SYT1: variants seen among roughly 807,000 people sequenced by gnomAD.
SYT1 encodes the protein synaptotagmin 1, also known as synaptotagmin-1.
Under a neutral mutation model 44.8 loss-of-function variants are expected in SYT1, and 8 were observed. The ratio of observed to expected loss-of-function variants is 0.18; its 90% CI spans 0.10 to 0.32. The LOEUF is 0.32. SYT1 is among the 10% of genes least tolerant of loss of function. SYT1 has a pLI of 1.00. For synonymous variants in SYT1, 154 were observed against 188.8 expected (o/e 0.82, Z 1.51); for missense variants, 286 against 509.3 (o/e 0.56, Z 4.22).
At chr12:79,082,505 C>T (rs1877102259) in intron 3 of SYT1, among the ~76,000 whole-genome samples, 1 of 152,118 alleles carries the variant, frequency 6.6e-6, no homozygotes, top group African/African-American at 2.4e-5. Context: ...TACAACAGAG[C>T]AGAAGTCAGA....
intron 4 of SYT1, among the ~76,000 whole-genome samples, chr12:79,222,896 T>G: frequency 6.6e-6 from 1 of 152,188 alleles, no homozygotes; most frequent in Non-Finnish European, 1.5e-5. Context: ...TACCCTCTAC[T>G]GCATTTTTTT....
At chr12:79,319,285 A>T (rs1265556322) in intron 8 of SYT1, among the ~76,000 whole-genome samples, 3 of 152,180 alleles carry the variant, frequency 2.0e-5, no homozygotes, top group Admixed American at 2.0e-4. Context: ...TATCTGCTTA[A>T]GTCAAGCACT....
chr12:79,384,795 T>G (rs1420866878), intron 9 of SYT1, among the ~76,000 whole-genome samples: 1 of 152,124 alleles, frequency 6.6e-6, no homozygotes, highest in Non-Finnish European at 1.5e-5. Flanking sequence ...TGAAAAAACG[T>G]CATCACTTAT....
chr12:79,272,619 T>A (rs1369773785), intron 4 of SYT1, among the ~76,000 whole-genome samples: 1 of 152,142 alleles, frequency 6.6e-6, no homozygotes, highest in Non-Finnish European at 1.5e-5. Flanking sequence ...ACTTTGGGAA[T>A]ACACTCCTGG....
At chr12:79,401,359 A>G (rs1242839002) in intron 9 of SYT1, among the ~76,000 whole-genome samples, 2 of 151,994 alleles carry the variant, frequency 1.3e-5, no homozygotes, top group African/African-American at 2.4e-5. Context: ...GTGCCACTGC[A>G]CTCCAGCTGG....
intron 1 of SYT1, among the ~76,000 whole-genome samples, chr12:78,874,371 T>C (rs954889660): frequency 1.3e-5 from 2 of 151,476 alleles, no homozygotes; most frequent in Admixed American, 6.6e-5. Context: ...AGAGATTAAA[T>C]AGTGATAGGC....
At chr12:79,040,660 G>A (rs982797799) in intron 2 of SYT1, among the ~76,000 whole-genome samples, 1 of 152,028 alleles carries the variant, frequency 6.6e-6, no homozygotes, top group African/African-American at 2.4e-5. Context: ...GTCTTTTGTT[G>A]CCATTGCTTT....
At chr12:79,065,421 A>T (rs936539511) in intron 3 of SYT1, among the ~76,000 whole-genome samples, 5 of 152,006 alleles carry the variant, frequency 3.3e-5, no homozygotes, top group Non-Finnish European at 4.4e-5. Context: ...AGGGGAGGAG[A>T]GGGGCACAAA....
At chr12:78,889,521 G>T (rs184063204) in intron 1 of SYT1, among the ~76,000 whole-genome samples, 2 of 151,950 alleles carry the variant, frequency 1.3e-5, no homozygotes, top group Non-Finnish European at 2.9e-5. Context: ...CTGAGACTTT[G>T]TCTGGATTTA....
intron 9 of SYT1, among the ~76,000 whole-genome samples, chr12:79,370,750 G>A (rs558653772): frequency 4.6e-5 from 7 of 151,786 alleles, no homozygotes; most frequent in South Asian, 2.1e-4. Context: ...GCGACAGAGC[G>A]ATATTCCGTC....
At chr12:79,030,897 G>C (rs1447022951) in intron 2 of SYT1, among the ~76,000 whole-genome samples, 1 of 150,922 alleles carries the variant, frequency 6.6e-6, no homozygotes, top group African/African-American at 2.4e-5. Flanking sequence ...ATTTAGATGA[G>C]ATGGGTTGAG....
At chr12:79,445,834 A>G (rs1010491614) in intron 10 of SYT1, among the ~76,000 whole-genome samples, 1 of 148,806 alleles carries the variant, frequency 6.7e-6, no homozygotes, top group African/African-American at 2.5e-5. Flanking sequence ...TCACAGCTTT[A>G]TTCCAAGAAG....
intron 1 of SYT1, among the ~76,000 whole-genome samples, chr12:78,907,809 T>C (rs78197349): frequency 0.027 from 4,161 of 152,108 alleles, 131 homozygotes; most frequent in African/African-American, 0.074. Flanking sequence ...AAAAGCATCA[T>C]CAAAACCACA....
chr12:79,275,646 C>T (rs1230911283), intron 4 of SYT1, among the ~76,000 whole-genome samples: 6 of 152,160 alleles, frequency 3.9e-5, no homozygotes, highest in Admixed American at 6.5e-5. Context: ...CAATGTATTT[C>T]GCTGGGAGCT....
intron 4 of SYT1, among the ~76,000 whole-genome samples, chr12:79,244,763 C>G (rs936677695): frequency 6.6e-6 from 1 of 151,760 alleles, no homozygotes; most frequent in East Asian, 1.9e-4. Flanking sequence ...TAACCTTCCC[C>G]GCTAAGTTTC....
At chr12:79,299,700 C>T in intron 8 of SYT1, 149 bp downstream of exon 8, 2 of 924,800 alleles carry the variant, frequency 2.2e-6, no homozygotes, top group Non-Finnish European at 3.1e-6. Flanking sequence ...GGCACTGCAC[C>T]ACCTCGTTAA....
intron 1 of SYT1, among the ~76,000 whole-genome samples, chr12:78,948,315 T>C (rs2137282587): frequency 6.6e-6 from 1 of 152,164 alleles, no homozygotes; most frequent in Middle Eastern, 3.5e-3. Flanking sequence ...CATCGAGAAA[T>C]TAACAGCTGG....
chr12:79,333,262 C>A (rs1881939187), intron 8 of SYT1, among the ~76,000 whole-genome samples: 1 of 152,164 alleles, frequency 6.6e-6, no homozygotes, highest in Admixed American at 6.5e-5. Flanking sequence ...CTTACTGGCT[C>A]ATGGTCTTTT....
intron 1 of SYT1, among the ~76,000 whole-genome samples, chr12:78,866,638 A>G (rs1305753892): frequency 6.6e-6 from 1 of 152,176 alleles, no homozygotes; most frequent in East Asian, 1.9e-4. Flanking sequence ...GTCAGATGGA[A>G]GGAGGTATAG....
Sources: gnomAD v4.1 joint callset for allele counts (sites outside exome capture counted in the v4.1 genomes callset) on GRCh38, gnomAD v4.1.1 for gene constraint, MANE v1.5 for transcripts, NCBI Gene and HGNC (gene_info 2026-07-23, HGNC 2026-07-21) for gene names.